Variants in PUS7L observed in about 807,000 individuals in gnomAD.
PUS7L encodes the protein pseudouridine synthase 7 like.
In PUS7L, 49 loss-of-function variants were observed where a neutral mutation model predicts 51.1. The observed-to-expected ratio is 0.96, with a 90% CI of 0.76 to 1.22. The LOEUF is 1.22. Ranked by LOEUF, PUS7L falls within the 50% of genes most tolerant of loss-of-function variation. The pLI, the probability that PUS7L is intolerant of heterozygous loss-of-function variation, is 0.00. For missense variants in PUS7L, 828 were observed against 820.6 expected (o/e 1.01, Z -0.11); for synonymous variants, 277 against 276.2 (o/e 1.00, Z -0.03).
intron 2 of PUS7L, among the ~76,000 whole-genome samples, chr12:43,751,058 A>G (rs1232749219): frequency 6.6e-6 from 1 of 152,110 alleles, no homozygotes; most frequent in Admixed American, 6.6e-5. Flanking sequence ...GGCTTACAAT[A>G]TTCATTTATC....
In PUS7L at chr12:43,731,771, A is replaced by C. The variant is rs1227865319; in HGVS notation, c.1726-13T>G. ...TTACCAGGTGAATCTAGTTTTAAAA[A>C]ACATGAAAATATGAATGATTCCCAA... On this transcript the variant is annotated splice_polypyrimidine_tract_variant and intron_variant, in intron 7 of 8. Coordinates refer to ENST00000344862, the MANE Select transcript of PUS7L (RefSeq NM_031292.5). The C allele has an allele frequency of 6.6e-7, 1 of 1,521,120 alleles. No individual in the cohort carries two copies. The highest frequency in any genetic ancestry group is 9.1e-7 in the Non-Finnish European group (1 of 1,101,454). 94.2% of individuals were successfully genotyped at this position (1,521,120 alleles called of 1,614,324 possible).
In PUS7L at chr12:43,742,433, G is replaced by A. The variant is rs1473638958; in HGVS notation, c.1362+24C>T. 2.0e-6 allele frequency: 3 copies of A among 1,508,982 alleles called. No homozygotes were observed. The Admixed American group carries it at 5.3e-5, about 27-fold the overall frequency. 93.5% of individuals were successfully genotyped at this position (1,508,982 alleles called of 1,614,324 possible). ...AAGTATAATTGACAGAAACAGATAA[G>A]ATTACATTTTTCAAAATCCATACCA... On this transcript the variant is annotated intron_variant, in intron 5 of 8. Transcript: ENST00000344862.
chr12:43,738,087 C>A, intron 6 of PUS7L: 1 of 408,710 alleles, frequency 2.4e-6, no homozygotes, highest in Non-Finnish European at 4.3e-6. Context: ...TCTCCCATTG[C>A]CCCTACCCCT....
chr12:43,731,461 G>C (rs73278494), intron 8 of PUS7L, among the ~76,000 whole-genome samples: 2,379 of 152,220 alleles, frequency 0.016, 70 homozygotes, highest in African/African-American at 0.053. Context: ...GGAAAATTTG[G>C]AGAGGGGAGG....
At chr12:43,732,322 C>T (rs1335829610) in intron 7 of PUS7L, among the ~76,000 whole-genome samples, 1 of 151,846 alleles carries the variant, frequency 6.6e-6, no homozygotes, top group Non-Finnish European at 1.5e-5. Context: ...TGGCACATGC[C>T]TGTAGTGCTA....
intron 4 of PUS7L, among the ~76,000 whole-genome samples, chr12:43,743,020 T>C (rs1937980996): frequency 1.3e-5 from 2 of 152,182 alleles, no homozygotes; most frequent in African/African-American, 2.4e-5. Context: ...TAACGTTCGT[T>C]CTTTAGTTCA....
chr12:43,743,559 G>T (rs921058918), intron 4 of PUS7L, among the ~76,000 whole-genome samples: 5 of 152,050 alleles, frequency 3.3e-5, no homozygotes, highest in African/African-American at 1.2e-4. Flanking sequence ...CTCAGGAGAT[G>T]GAGACCATCC....
intron 2 of PUS7L, among the ~76,000 whole-genome samples, chr12:43,752,296 T>C (rs1565644460): frequency 6.6e-6 from 1 of 152,178 alleles, no homozygotes; most frequent in African/African-American, 2.4e-5. Context: ...CTGTTTTGAG[T>C]ATCCTCACAG....
rs572179117 is a variant in PUS7L at position 43,735,178 on chromosome 12, G to T, written c.1725+1203C>A. On this transcript the variant is annotated intron_variant, in intron 7 of 8. Coordinates refer to ENST00000344862, the MANE Select transcript of PUS7L (RefSeq NM_031292.5). ...AAAATAAAAAAAAAATTAGCCAGGC[G>T]TGGTGGCAGGCATCTGTAGTCCCAG... Among the ~76,000 whole-genome samples the T allele has an allele frequency of 1.3e-3, 194 of 152,026 alleles. 2 individuals carry two copies. The highest frequency in any genetic ancestry group is 4.1e-3 in the African/African-American group (171 of 41,482).
Position 43,719,096 on chromosome 12 carries a change from A to G in PUS7L, c.*11280T>C, listed in dbSNP as rs1464746351. ...TGTAAGTAATATTTTTAGAACATATACTCATGTAACCAAATTCAGGCCAAA... is the reference window on the plus strand; with the variant it reads ...TGTAAGTAATATTTTTAGAACATATGCTCATGTAACCAAATTCAGGCCAAA... On this transcript the variant is annotated 3_prime_UTR_variant, in exon 9 of 9. Coordinates refer to ENST00000344862, the MANE Select transcript of PUS7L (RefSeq NM_031292.5). The G allele has an allele frequency of 6.6e-6, 1 of 151,920 alleles. No individual in the cohort carries two copies. Among genetic ancestry groups the G allele is most frequent in the Non-Finnish European group, 1.5e-5 (1 of 67,970 alleles). The allele number at this position is 151,920 out of a possible 1,614,324, so 9.4% of individuals were successfully genotyped here. A position where few individuals can be genotyped will look rare whatever the true frequency, so the allele number is the denominator to read the frequency against.
In PUS7L at chr12:43,730,627, T is replaced by G. The variant is rs1227667678; in HGVS notation, c.1855A>C (p.Ser619Arg). Reference protein sequence around the residue: ...KVGQWYHDILSRDGLQTCRFK... With the variant: ...KVGQWYHDILRRDGLQTCRFK... Reference sequence around the variant, plus strand: ...CTACATGTCTGTAGTCCATCTCTGCTAAGTATGTCATGGTACCACTGCCCT... The same window carrying G: ...CTACATGTCTGTAGTCCATCTCTGCGAAGTATGTCATGGTACCACTGCCCT... The change falls in exon 9 of 9, where the codon AGC becomes CGC. Residue 619 changes from serine to arginine, a missense_variant. Coordinates refer to ENST00000344862, the MANE Select transcript of PUS7L (RefSeq NM_031292.5). 2 of 1,613,556 alleles carry G rather than the reference T, an allele frequency of 1.2e-6. No individual in the cohort carries two copies. The highest frequency in any genetic ancestry group is 4.5e-5 in the East Asian group (2 of 44,852).
rs1221550799 is a variant in PUS7L, at chr12:43,727,969, T to A, written c.*2407A>T. 1 of 152,088 alleles carries A rather than the reference T, an allele frequency of 6.6e-6. No homozygotes were observed. The highest frequency in any genetic ancestry group is 1.5e-5 in the Non-Finnish European group (1 of 68,008). 9.4% of individuals were successfully genotyped at this position (152,088 alleles called of 1,614,324 possible). ...ATGACACAGCTTCTCCTTCGGCATG[T>A]TTAATTGGCATGTGATGTTTAAAGG... On this transcript the variant is annotated 3_prime_UTR_variant, in exon 9 of 9. Coordinates refer to ENST00000344862, the MANE Select transcript of PUS7L (RefSeq NM_031292.5).
rs1410676736 is a variant in PUS7L at position 43,722,498 on chromosome 12, A to G, written c.*7878T>C. ...AGAATAACTGCTTCCCAGATTTGCTATTGCCTCCTAAATGTGAAAATTATA... is the reference window on the plus strand; with the variant it reads ...AGAATAACTGCTTCCCAGATTTGCTGTTGCCTCCTAAATGTGAAAATTATA... On this transcript the variant is annotated 3_prime_UTR_variant, in exon 9 of 9. Transcript: ENST00000344862. 1 of 152,130 alleles carries G rather than the reference A, an allele frequency of 6.6e-6. No homozygotes were observed. The highest frequency in any genetic ancestry group is 1.5e-5 in the Non-Finnish European group (1 of 67,970). 9.4% of individuals were successfully genotyped at this position (152,130 alleles called of 1,614,324 possible).
chr12:43,742,858 T>G (rs1269019753), intron 4 of PUS7L, among the ~76,000 whole-genome samples: 1 of 152,234 alleles, frequency 6.6e-6, no homozygotes, highest in Non-Finnish European at 1.5e-5. Flanking sequence ...AGAAAAGTTC[T>G]GGGCTTCCAA....
At chr12:43,737,155 G>A (rs545370651) in intron 6 of PUS7L, among the ~76,000 whole-genome samples, 1 of 152,290 alleles carries the variant, frequency 6.6e-6, no homozygotes, top group East Asian at 1.9e-4. Flanking sequence ...AAATGTAGAT[G>A]ACTGGAATCT....
chr12:43,733,408 T>C (rs1944606394), intron 7 of PUS7L, among the ~76,000 whole-genome samples: 1 of 152,208 alleles, frequency 6.6e-6, no homozygotes, highest in Non-Finnish European at 1.5e-5. Context: ...ACTAATAAAA[T>C]AAGTGATCGA....
At chr12:43,732,314 G>C (rs985571891) in intron 7 of PUS7L, among the ~76,000 whole-genome samples, 1 of 151,976 alleles carries the variant, frequency 6.6e-6, no homozygotes, top group South Asian at 2.1e-4. Context: ...AGGTGTGGTG[G>C]CACATGCCTG....
chr12:43,758,654 A>ACCCCCCCCCCCCCC (rs760755963), intron 1 of PUS7L, 76 bp downstream of exon 1: 2 of 437,934 alleles, frequency 4.6e-6, no homozygotes, highest in Non-Finnish European at 5.1e-6. Flanking sequence ...CAACCTCGTC[A>ACCCCCCCCCCCCCC]CCCCCCCCCC....
chr12:43,732,348 C>T (rs10880553), intron 7 of PUS7L, among the ~76,000 whole-genome samples: 26,121 of 151,678 alleles, frequency 0.17, 3,424 homozygotes, highest in African/African-American at 0.37. Flanking sequence ...ATAGGAGACC[C>T]AGGCAAGAGG....
Sources: gnomAD v4.1 joint callset for allele counts (sites outside exome capture counted in the v4.1 genomes callset) on GRCh38, gnomAD v4.1.1 for gene constraint, MANE v1.5 for transcripts, NCBI Gene and HGNC (gene_info 2026-07-23, HGNC 2026-07-21) for gene names.